Variants in MAGED1 observed in about 807,000 individuals in gnomAD.
MAGED1 encodes the protein melanoma-associated antigen D1.
Under a neutral mutation model 54.1 loss-of-function variants are expected in MAGED1, and 3 were observed. The observed-to-expected ratio is 0.06, with a 90% CI of 0.03 to 0.14. The LOEUF (loss-of-function observed/expected upper bound fraction) is 0.14, where lower values mean the gene tolerates loss of function less well. Among genes scored for constraint, MAGED1 ranks in the 10% least tolerant of loss-of-function variants. MAGED1 has a pLI of 1.00. For synonymous variants in MAGED1, 217 were observed against 227.3 expected (o/e 0.95, Z 0.41); for missense variants, 485 against 623.4 (o/e 0.78, Z 2.36).
At chrX:51,892,244 ACCCACTTG>A (rs1407070528), upstream of MAGED1, among the ~76,000 whole-genome samples, 2 of 112,595 alleles carry the variant, frequency 1.8e-5, no homozygotes. Flanking sequence ...CTTGGGTAGG[ACCCACTTG>A]CTGTGCATTC....
intron 1 of MAGED1, among the ~76,000 whole-genome samples, chrX:51,868,220 C>T (rs1490751974): frequency 2.7e-5 from 3 of 111,736 alleles, no homozygotes; most frequent in Non-Finnish European, 3.8e-5. Flanking sequence ...AGAAACTTCT[C>T]TGTTATATCT....
chrX:51,845,874 C>T (rs1202975165), intron 1 of MAGED1, among the ~76,000 whole-genome samples: 1 of 111,423 alleles, frequency 9.0e-6, no homozygotes, highest in East Asian at 2.8e-4. Context: ...CTCCCAAGTT[C>T]AGGTGATCTT....
chrX:51,878,266 A>T (rs1927944851), intron 1 of MAGED1, among the ~76,000 whole-genome samples: 1 of 111,242 alleles, frequency 9.0e-6, no homozygotes, highest in Non-Finnish European at 1.9e-5. Flanking sequence ...GGGGGTGAGG[A>T]ATTAACTGGA....
chrX:51,894,309 C>T lies in MAGED1; in HGVS notation c.5C>T (p.Ala2Val). 1 of 1,202,503 alleles carries T rather than the reference C, an allele frequency of 8.3e-7. No individual in the cohort carries two copies. Among genetic ancestry groups the T allele is most frequent in the Non-Finnish European group, 1.1e-6 (1 of 890,843 alleles). The change falls in exon 2 of 13, where the codon GCT (alanine) becomes GTT (valine). Residue 2 changes from alanine (A) to valine (V), a missense_variant. Around this residue, in one of 2 missense-constraint regions of MAGED1, gnomAD observed 299 missense variants for 293.1 expected, o/e 1.02. Transcript: ENST00000326587. ...CTTGCCAGAGGGACAGGAGCCATGGCTCAGAAAATGGACTGTGGTGCGGGC... is the reference window on the plus strand; with the variant it reads ...CTTGCCAGAGGGACAGGAGCCATGGTTCAGAAAATGGACTGTGGTGCGGGC... Reference protein sequence around the residue: MAQKMDCGAGLL... With the variant: MVQKMDCGAGLL...
chrX:51,828,896 T>TA (rs201912142), intron 1 of MAGED1, among the ~76,000 whole-genome samples: 260 of 107,015 alleles, frequency 2.4e-3, no homozygotes, highest in African/African-American at 6.7e-3. Flanking sequence ...TATTCCACAT[T>TA]AAAAAAAAAA....
rs1928852368 is a variant in MAGED1 at position 51,898,200 on chromosome X, G to T, written c.1738+7G>T. 8.3e-7 allele frequency: 1 copy of T among 1,208,286 alleles called. No homozygotes were observed. Among genetic ancestry groups the T allele is most frequent in the Non-Finnish European group, 1.1e-6 (1 of 893,792 alleles). ...GGCAACCGTGCCAGTGAGGGTGAGT[G>T]GCTGGACCTGCAGCTGGGGGTTGGC... On this transcript the variant is annotated splice_region_variant and intron_variant, in intron 8 of 12. Transcript: ENST00000326587.
intron 1 of MAGED1, among the ~76,000 whole-genome samples, chrX:51,887,814 A>G (rs1475649846): frequency 9.1e-6 from 1 of 110,459 alleles, no homozygotes; most frequent in African/African-American, 3.3e-5. Context: ...AAGAGTTCTT[A>G]GAAATGAAAT....
chrX:51,804,232 A>T (rs1399669879), intron 1 of MAGED1, among the ~76,000 whole-genome samples: 1 of 112,000 alleles, frequency 8.9e-6, no homozygotes, highest in East Asian at 2.8e-4. Flanking sequence ...TGAGAATCAG[A>T]GTTTTCCAGG....
chrX:51,828,519 T>C (rs1291789053), intron 1 of MAGED1, among the ~76,000 whole-genome samples: 2 of 111,411 alleles, frequency 1.8e-5, no homozygotes, highest in East Asian at 5.6e-4. Flanking sequence ...TGTCAGCTTA[T>C]GGTATCCAGC....
chrX:51,851,032 T>G (rs921008302), intron 1 of MAGED1, among the ~76,000 whole-genome samples: 1 of 111,494 alleles, frequency 9.0e-6, no homozygotes, highest in African/African-American at 3.3e-5. Context: ...TTACTCTGCC[T>G]TCTCTTTATC....
intron 12 of MAGED1, 38 bp from the exon 13 acceptor site, chrX:51,902,108 T>G: frequency 2.4e-6 from 1 of 414,553 alleles, no homozygotes; most frequent in Non-Finnish European, 3.8e-6. Flanking sequence ...TTGATATATA[T>G]CATTGATTTT....
intron 1 of MAGED1, among the ~76,000 whole-genome samples, chrX:51,830,749 A>G (rs782766668): frequency 3.7e-4 from 41 of 111,817 alleles, no homozygotes; most frequent in African/African-American, 1.2e-3. Flanking sequence ...AAGCACAGCC[A>G]TTTTCCCCAA....
Position 51,898,281 on chromosome X carries a change from G to C in MAGED1, c.1739-4G>C. 8.3e-7 allele frequency: 1 copy of C among 1,211,021 alleles called. No homozygotes were observed. Among genetic ancestry groups the C allele is most frequent in the Non-Finnish European group, 1.1e-6 (1 of 895,119 alleles). On this transcript the variant is annotated splice_polypyrimidine_tract_variant and splice_region_variant and intron_variant, in intron 8 of 12. Coordinates refer to ENST00000326587, the MANE Select transcript of MAGED1 (RefSeq NM_006986.4). ...CCCTTGTCTCCCCTTGCCTCCCATT[G>C]CAGCTGTCCTCTGGGAGGCACTACG...
chrX:51,815,701 A>G (rs1216281114), intron 1 of MAGED1, among the ~76,000 whole-genome samples: 1 of 109,231 alleles, frequency 9.2e-6, no homozygotes, highest in Admixed American at 9.8e-5. Flanking sequence ...TTGTATTTTT[A>G]GTAGAGACGG....
chrX:51,830,170 T>G (rs1926008228), intron 1 of MAGED1, among the ~76,000 whole-genome samples: 1 of 111,764 alleles, frequency 8.9e-6, no homozygotes, highest in Admixed American at 9.5e-5. Flanking sequence ...TAATGCTGAT[T>G]GAGAAAAGTG....
intron 1 of MAGED1, among the ~76,000 whole-genome samples, chrX:51,844,207 C>T (rs1298423263): frequency 9.0e-6 from 1 of 111,434 alleles, no homozygotes; most frequent in Non-Finnish European, 1.9e-5. Context: ...AATAATGGCC[C>T]CCTAAAGATG....
chrX:51,808,933 A>T (rs1046912509), intron 1 of MAGED1, among the ~76,000 whole-genome samples: 10 of 111,281 alleles, frequency 9.0e-5, no homozygotes, highest in South Asian at 3.8e-4. Flanking sequence ...ATAAATAATA[A>T]TTTCTTTCTT....
intron 1 of MAGED1, among the ~76,000 whole-genome samples, chrX:51,869,824 C>A (rs782187561): frequency 9.0e-6 from 1 of 111,290 alleles, no homozygotes; most frequent in Non-Finnish European, 1.9e-5. Context: ...GAGCCGAGAT[C>A]GTGCCACTGA....
At chrX:51,883,584 A>G (rs1216902691) in intron 1 of MAGED1, among the ~76,000 whole-genome samples, 1 of 112,551 alleles carries the variant, frequency 8.9e-6, no homozygotes, top group African/African-American at 3.2e-5. Flanking sequence ...ATCACTTGTC[A>G]TAGTGAGAAC....
Sources: gnomAD v4.1 joint callset for allele counts (sites outside exome capture counted in the v4.1 genomes callset) on GRCh38, gnomAD v4.1.1 for gene constraint, gnomAD v4.1.1 regional missense constraint, MANE v1.5 for transcripts, NCBI Gene and HGNC (gene_info 2026-07-23, HGNC 2026-07-21) for gene names.